Variants in VTI1A observed in about 807,000 individuals in gnomAD.
VTI1A encodes the protein vesicle transport through interaction with t-SNAREs homolog 1A.
VTI1A carries 22 observed loss-of-function variants against 34.9 expected under a neutral mutation model. The ratio of observed to expected loss-of-function variants is 0.63; its 90% CI spans 0.45 to 0.90. The LOEUF (loss-of-function observed/expected upper bound fraction) is 0.90, where lower values mean the gene tolerates loss of function less well. Among genes scored for constraint, VTI1A ranks in the 40% least tolerant of loss-of-function variants. VTI1A has a pLI of 0.00. For synonymous variants in VTI1A, 87 were observed against 97.3 expected, an observed-to-expected ratio of 0.89 and a Z score of 0.62; for missense variants, 268 against 275.6, an observed-to-expected ratio of 0.97 and a Z score of 0.20.
rs1853537395 is a variant in VTI1A, at chr10:112,816,881, G to C, written c.*1498G>C. The C allele has an allele frequency of 4.3e-6, 1 of 230,358 alleles. No individual in the cohort carries two copies. Among genetic ancestry groups the C allele is most frequent in the Non-Finnish European group, 8.6e-6 (1 of 116,304 alleles). The allele number at this position is 230,358 out of a possible 1,614,324, so 14.3% of individuals were successfully genotyped here. A position where few individuals can be genotyped will look rare whatever the true frequency, so the allele number is the denominator to read the frequency against. On this transcript the variant is annotated 3_prime_UTR_variant, in exon 8 of 8. Transcript: ENST00000393077. ...ATGCAGAATGGCAGAATCCACCAGA[G>C]AAATTGCACTTATCGAAACAGGCCA...
the VTI1A span, among the ~76,000 whole-genome samples, chr10:112,844,023 G>A: frequency 6.6e-6 from 1 of 152,120 alleles, no homozygotes; most frequent in Non-Finnish European, 1.5e-5. Flanking sequence ...TTAGAGGAAT[G>A]CCAAGGCATA....
chr10:112,700,170 CA>C (rs1428281369), intron 7 of VTI1A, among the ~76,000 whole-genome samples: 1 of 127,454 alleles, frequency 7.8e-6, no homozygotes, highest in Non-Finnish European at 1.7e-5. Flanking sequence ...GGAGGTAAAA[CA>C]TTATCCCCAT....
intron 7 of VTI1A, among the ~76,000 whole-genome samples, chr10:112,750,580 T>C (rs1851066692): frequency 6.6e-6 from 1 of 152,126 alleles, no homozygotes; most frequent in Admixed American, 6.5e-5. Context: ...AGTTTCAACT[T>C]AAGCTTTTGT....
chr10:112,662,883 G>A (rs367550451), intron 5 of VTI1A, among the ~76,000 whole-genome samples: 6 of 151,972 alleles, frequency 3.9e-5, no homozygotes, highest in East Asian at 3.9e-4. Context: ...GGATTCATCC[G>A]TGATTAGTGC....
rs184299281 is a variant in VTI1A, at chr10:112,728,792, T to C, written c.560+59794T>C. Among the ~76,000 whole-genome samples, 551 of 152,362 alleles carry C rather than the reference T, an allele frequency of 3.6e-3. 1 individual carries two copies. The highest frequency in any genetic ancestry group is 6.8e-3 in the Middle Eastern group (2 of 294). On this transcript the variant is annotated intron_variant, in intron 7 of 7. Coordinates refer to ENST00000393077, the MANE Select transcript of VTI1A (RefSeq NM_145206.4). Reference sequence around the variant, plus strand: ...CTGTATGGAGTTTTATGGTTATTGATAGTAGCATGATTATGGTAACCATTG... The same window carrying C: ...CTGTATGGAGTTTTATGGTTATTGACAGTAGCATGATTATGGTAACCATTG...
intron 3 of VTI1A, among the ~76,000 whole-genome samples, chr10:112,482,258 G>T (rs933617835): frequency 6.6e-6 from 1 of 152,120 alleles, no homozygotes; most frequent in African/African-American, 2.4e-5. Context: ...TATGGACTTT[G>T]TAATCAGAGA....
chr10:112,840,443 T>C, the VTI1A span, among the ~76,000 whole-genome samples: 3 of 152,212 alleles, frequency 2.0e-5, no homozygotes, highest in African/African-American at 7.2e-5. Context: ...ACACAAGTGA[T>C]GGTGGCTAGG....
intron 7 of VTI1A, among the ~76,000 whole-genome samples, chr10:112,685,518 C>T (rs1848371587): frequency 6.6e-6 from 1 of 152,060 alleles, no homozygotes; most frequent in Non-Finnish European, 1.5e-5. Flanking sequence ...CTTACCTTAC[C>T]GTTTTCTGCC....
In VTI1A at chr10:112,817,943, GAATA is replaced by G. The variant is rs1169677208; in HGVS notation, c.*2567_*2570del. 4.3e-5 allele frequency: 10 copies of G among 233,040 alleles called. No homozygotes were observed. The highest frequency in any genetic ancestry group is 8.8e-5 in the African/African-American group (4 of 45,324). 14.4% of individuals were successfully genotyped at this position (233,040 alleles called of 1,614,324 possible). A position where few individuals can be genotyped will look rare whatever the true frequency, so the allele number is the denominator to read the frequency against. On this transcript the variant is annotated 3_prime_UTR_variant, in exon 8 of 8. Coordinates refer to ENST00000393077, the MANE Select transcript of VTI1A (RefSeq NM_145206.4). Reference sequence around the variant, plus strand: ...TGCAGACTAAACAGTTTCCCTGACAGAATAAATAAAGTGGATGCTACCCCACTCC... The same window carrying G: ...TGCAGACTAAACAGTTTCCCTGACAGAATAAAGTGGATGCTACCCCACTCC...
chr10:112,523,664 C>A (rs1850113641), intron 3 of VTI1A, among the ~76,000 whole-genome samples: 1 of 152,046 alleles, frequency 6.6e-6, no homozygotes, highest in African/African-American at 2.4e-5. Context: ...CAGTAGATTA[C>A]AAACTGCATA....
chr10:112,531,057 CACACCTCACA>C (rs1181441387), intron 4 of VTI1A, among the ~76,000 whole-genome samples: 23 of 112,672 alleles, frequency 2.0e-4, no homozygotes, highest in African/African-American at 7.2e-4. Flanking sequence ...GGTCACGTGA[CACACCTCACA>C]CACACACACA....
chr10:112,668,038 GATAA>G (rs1847706840), intron 5 of VTI1A, among the ~76,000 whole-genome samples, 176 bp from the exon 6 acceptor site: 1 of 152,038 alleles, frequency 6.6e-6, no homozygotes, highest in African/African-American at 2.4e-5. Context: ...TTATGCCTAA[GATAA>G]ATAGATAAAT....
At position 112,763,150 on chromosome 10, in the gene VTI1A, C is replaced by T. The variant is rs184762493; in HGVS notation, c.561-52140C>T. Among the ~76,000 whole-genome samples, 396 of 152,094 alleles carry T rather than the reference C, an allele frequency of 2.6e-3. 3 individuals are homozygous for T. Among genetic ancestry groups the T allele is most frequent in the African/African-American group, 9.1e-3 (377 of 41,478 alleles). Reference sequence around the variant, plus strand: ...ACTTAAAATGTACCACTGGGCCAGGCGCAGTGGCTCACACCTGTAATCCCA... The same window carrying T: ...ACTTAAAATGTACCACTGGGCCAGGTGCAGTGGCTCACACCTGTAATCCCA... On this transcript the variant is annotated intron_variant, in intron 7 of 7. Transcript: ENST00000393077.
At chr10:112,501,584 A>G (rs1198494970) in intron 3 of VTI1A, among the ~76,000 whole-genome samples, 2 of 152,188 alleles carry the variant, frequency 1.3e-5, no homozygotes, top group African/African-American at 4.8e-5. Context: ...TAATAGTCAT[A>G]CTTTAAAAGG....
intron 5 of VTI1A, among the ~76,000 whole-genome samples, chr10:112,613,840 C>A (rs77015135): frequency 6.6e-6 from 1 of 152,164 alleles, no homozygotes; most frequent in East Asian, 1.9e-4. Context: ...CAGCTTCAGT[C>A]GGAGCTTGGG....
intron 5 of VTI1A, among the ~76,000 whole-genome samples, chr10:112,588,815 C>T (rs966914383): frequency 2.6e-4 from 40 of 152,174 alleles, no homozygotes; most frequent in African/African-American, 7.0e-4. Context: ...CTTCCATGCA[C>T]GTCATCACTG....
In VTI1A at chr10:112,673,531, G is replaced by A. The variant is rs143156854; in HGVS notation, c.560+4533G>A. ...AAAGTGAATTTTGTTTATCCTTCCA[G>A]TATGAGTATGGTTAACTTCCTTATG... is the stretch of plus-strand genomic sequence containing the variant. On this transcript the variant is annotated intron_variant, in intron 7 of 7. Coordinates refer to ENST00000393077, the MANE Select transcript of VTI1A (RefSeq NM_145206.4). 1.8e-3 allele frequency among the ~76,000 whole-genome samples: 276 copies of A among 152,192 alleles called. 2 individuals carry two copies. The highest frequency in any genetic ancestry group is 6.4e-3 in the African/African-American group (266 of 41,542).
chr10:112,835,180 C>G, the VTI1A span, among the ~76,000 whole-genome samples: 1 of 152,186 alleles, frequency 6.6e-6, no homozygotes, highest in Non-Finnish European at 1.5e-5. Flanking sequence ...GGAGCCCTCT[C>G]TCATGGATGG....
At chr10:112,712,129 A>G (rs998222145) in intron 7 of VTI1A, among the ~76,000 whole-genome samples, 3 of 152,150 alleles carry the variant, frequency 2.0e-5, no homozygotes, top group East Asian at 3.9e-4. Context: ...TTCATGACCT[A>G]TATGCTGTTC....
Sources: allele counts gnomAD v4.1 joint callset (sites outside exome capture counted in the v4.1 genomes callset), GRCh38; gene constraint gnomAD v4.1.1; transcripts MANE v1.5; gene names NCBI Gene and HGNC (gene_info 2026-07-23, HGNC 2026-07-21).